The following OR3A2 variants were observed in gnomAD, a reference collection of about 807,000 sequenced individuals.
The protein encoded by OR3A2 is olfactory receptor 3A2.
For synonymous variants in OR3A2, 126 were observed against 159.3 expected, an observed-to-expected ratio of 0.79 and a Z score of 1.57; for missense variants, 318 against 392.8, an observed-to-expected ratio of 0.81 and a Z score of 1.61.
intron 3 of OR3A2, among the ~76,000 whole-genome samples, chr17:3,334,313 T>C (rs1481312209): frequency 2.0e-5 from 3 of 152,188 alleles, no homozygotes; most frequent in African/African-American, 7.2e-5. Flanking sequence ...CCACCTACCA[T>C]TCCTGGCCTC....
exon 2 of OR3A2, chr17:3,383,847 C>A (rs1475844740): frequency 6.6e-6 from 1 of 152,046 alleles, no homozygotes; most frequent in African/African-American, 2.4e-5. Flanking sequence ...TGTCCATCAC[C>A]CTCTCCTTCA....
chr17:3,365,377 A>C (rs899223496), intron 2 of OR3A2, among the ~76,000 whole-genome samples: 4 of 152,226 alleles, frequency 2.6e-5, no homozygotes, highest in African/African-American at 9.6e-5. Context: ...GAAATAAAGA[A>C]ACTGAGGCAA....
At chr17:3,380,329 C>T (rs528633591) in intron 2 of OR3A2, among the ~76,000 whole-genome samples, 1 of 152,280 alleles carries the variant, frequency 6.6e-6, no homozygotes, top group Admixed American at 6.5e-5. Flanking sequence ...AGTGGATGAA[C>T]CATAGGTGGG....
intron 1 of OR3A2, among the ~76,000 whole-genome samples, chr17:3,283,781 G>A (rs956419617): frequency 6.6e-6 from 1 of 151,590 alleles, no homozygotes; most frequent in African/African-American, 2.4e-5. Context: ...CCCTTAGGAG[G>A]GGCCACACCT....
At chr17:3,276,394 AAC>A (rs2048735153), downstream of OR3A2, among the ~76,000 whole-genome samples, 2 of 152,222 alleles carry the variant, frequency 1.3e-5, no homozygotes, top group African/African-American at 2.4e-5. Context: ...TAGAGGAAAA[AAC>A]ACAACAATTG....
chr17:3,337,851 C>T (rs1010463388), intron 2 of OR3A2, among the ~76,000 whole-genome samples: 1 of 152,216 alleles, frequency 6.6e-6, no homozygotes, highest in Non-Finnish European at 1.5e-5. Context: ...AATCGCCATA[C>T]TGTCTTCCAC....
chr17:3,278,334 G>A, exon 2 of OR3A2: 1 of 1,614,238 alleles, frequency 6.2e-7, no homozygotes, highest in South Asian at 1.1e-5. Flanking sequence ...ATTGAGTTGG[G>A]TGCTGGAGCA....
intron 3 of OR3A2, among the ~76,000 whole-genome samples, chr17:3,300,800 T>C (rs2048957988): frequency 6.6e-6 from 1 of 151,742 alleles, no homozygotes; most frequent in South Asian, 2.1e-4. Context: ...CATTAACTCG[T>C]CATTTACATT....
At chr17:3,341,236 T>G (rs1303210832) in intron 2 of OR3A2, among the ~76,000 whole-genome samples, 1 of 151,892 alleles carries the variant, frequency 6.6e-6, no homozygotes, top group African/African-American at 2.4e-5. Flanking sequence ...CCAGTCTGTG[T>G]CCTTTAATTG....
intron 1 of OR3A2, among the ~76,000 whole-genome samples, chr17:3,283,134 C>G (rs1296946722): frequency 2.6e-5 from 4 of 152,188 alleles, no homozygotes; most frequent in Non-Finnish European, 4.4e-5. Context: ...TAGAGTCTGT[C>G]TCTGTAAGTG....
At chr17:3,299,910 T>C (rs1290499990) in intron 3 of OR3A2, among the ~76,000 whole-genome samples, 1 of 152,180 alleles carries the variant, frequency 6.6e-6, no homozygotes, top group Non-Finnish European at 1.5e-5. Flanking sequence ...TTAATACTAA[T>C]AAAATGGCAA....
intron 3 of OR3A2, among the ~76,000 whole-genome samples, chr17:3,326,518 T>A (rs917559454): frequency 3.3e-5 from 5 of 151,932 alleles, no homozygotes; most frequent in Non-Finnish European, 5.9e-5. Flanking sequence ...CCGAAATTAA[T>A]ACTTTTATAA....
chr17:3,372,772 C>A (rs1278301069), intron 2 of OR3A2, among the ~76,000 whole-genome samples: 3 of 150,606 alleles, frequency 2.0e-5, no homozygotes, highest in Non-Finnish European at 3.0e-5. Context: ...GAGATGGCAG[C>A]AGTACAGTCC....
chr17:3,330,218 T>C (rs2049218108), intron 3 of OR3A2, among the ~76,000 whole-genome samples: 1 of 151,668 alleles, frequency 6.6e-6, no homozygotes, highest in Non-Finnish European at 1.5e-5. Context: ...TCTGTAGATG[T>C]CTATTAGGTT....
At chr17:3,382,630 G>A (rs2150669970) in intron 2 of OR3A2, among the ~76,000 whole-genome samples, 1 of 152,154 alleles carries the variant, frequency 6.6e-6, no homozygotes, top group East Asian at 1.9e-4. Flanking sequence ...ACAGCACTAG[G>A]GAGGAAGAGG....
chr17:3,332,354 A>G (rs1280296648), intron 3 of OR3A2, among the ~76,000 whole-genome samples: 1 of 152,214 alleles, frequency 6.6e-6, no homozygotes, highest in African/African-American at 2.4e-5. Flanking sequence ...TGTGCTAGCA[A>G]TCAGCGAGAC....
intron 2 of OR3A2, among the ~76,000 whole-genome samples, chr17:3,362,696 A>G (rs1479131508): frequency 6.6e-6 from 1 of 151,666 alleles, no homozygotes; most frequent in Non-Finnish European, 1.5e-5. Flanking sequence ...ATTCAGGAGC[A>G]GATCCAACCC....
rs181531336 is a variant in OR3A2, at chr17:3,365,356, T to G, written c.-179+18448A>C. ...ACTTCCAGGGGAAACTACTTTTTGT[T>G]GTTGTTTGAGGAAATAAAGAAACTG... On this transcript the variant is annotated intron_variant, in intron 2 of 4. Transcript: ENST00000573491. Among the ~76,000 whole-genome samples the G allele has an allele frequency of 2.6e-4, 40 of 152,304 alleles. 1 individual carries two copies. The East Asian group carries it at 5.4e-3, about 21-fold the overall frequency.
chr17:3,371,558 C>T lies in OR3A2; in HGVS notation c.-179+12246G>A, dbSNP rs1383495159. 5.7e-5 allele frequency among the ~76,000 whole-genome samples: 8 copies of T among 140,958 alleles called. No individual in the cohort carries two copies. The South Asian group carries it at 9.1e-4, about 16-fold the overall frequency. The allele number at this position is 140,958 out of a possible 152,430, so 92.5% of individuals were successfully genotyped here. On this transcript the variant is annotated intron_variant, in intron 2 of 4. Transcript: ENST00000573491. ...CTCCCTCCCGGACGGGGCGGCTGGC[C>T]GGGCGGGGGGCTGATTCCCCCACCT...
Sources: allele counts gnomAD v4.1 joint callset (sites outside exome capture counted in the v4.1 genomes callset), GRCh38; gene constraint gnomAD v4.1.1; transcripts MANE v1.5; gene names NCBI Gene and HGNC (gene_info 2026-07-23, HGNC 2026-07-21).